Variants in SETD3 observed in about 807,000 individuals in gnomAD.
SETD3 encodes the protein SET domain containing 3, actin N3(tau)-histidine methyltransferase.
A neutral mutation model predicts 63.0 loss-of-function variants in SETD3; 19 were observed. That is an observed-to-expected ratio of 0.30 (90% CI 0.21 to 0.44). The LOEUF is 0.44. Among genes scored for constraint, SETD3 ranks in the 20% least tolerant of loss-of-function variants. SETD3 has a pLI of 1.00. For missense variants in SETD3, 587 were observed against 728.5 expected (o/e 0.81, Z 2.24); for synonymous variants, 286 against 264.1 (o/e 1.08, Z -0.80).
intron 2 of SETD3, 126 bp downstream of exon 2, chr14:99,465,577 G>A: frequency 2.9e-6 from 2 of 694,418 alleles, no homozygotes; most frequent in East Asian, 2.7e-5. Flanking sequence ...ACTCGCCCAG[G>A]CCCACAGCTA....
At chr14:99,441,478 G>A (rs1236936341) in intron 6 of SETD3, among the ~76,000 whole-genome samples, 1 of 152,216 alleles carries the variant, frequency 6.6e-6, no homozygotes, top group Non-Finnish European at 1.5e-5. Flanking sequence ...AAACTCCAGG[G>A]AAGGGGACAG....
chr14:99,474,749 G>T (rs1388373095), intron 1 of SETD3, among the ~76,000 whole-genome samples: 1 of 152,002 alleles, frequency 6.6e-6, no homozygotes, highest in Non-Finnish European at 1.5e-5. Context: ...AGAATCACTT[G>T]AATCCAGGAG....
intron 3 of SETD3, among the ~76,000 whole-genome samples, chr14:99,462,954 G>A (rs756438517): frequency 6.6e-6 from 1 of 152,172 alleles, no homozygotes; most frequent in Non-Finnish European, 1.5e-5. Context: ...AATAGGTATA[G>A]TGAATGAGCT....
intron 4 of SETD3, 105 bp downstream of exon 4, chr14:99,461,087 A>C: frequency 7.3e-7 from 1 of 1,374,976 alleles, no homozygotes; most frequent in Non-Finnish European, 1.0e-6. Context: ...CAGGCTCAGA[A>C]CTAGAACTCC....
At chr14:99,436,681 C>A (rs1216869196) in intron 6 of SETD3, among the ~76,000 whole-genome samples, 1 of 152,168 alleles carries the variant, frequency 6.6e-6, no homozygotes. Context: ...TCTCGGCAGC[C>A]TCTCCAGGAA....
intron 6 of SETD3, among the ~76,000 whole-genome samples, chr14:99,434,870 AAAAAAAC>A (rs1893389345): frequency 6.6e-6 from 1 of 150,614 alleles, no homozygotes; most frequent in African/African-American, 2.4e-5. Flanking sequence ...AAAAAAAAAA[AAAAAAAC>A]AACCTACATT....
chr14:99,477,724 G>A (rs1192099967), intron 1 of SETD3, among the ~76,000 whole-genome samples: 1 of 139,074 alleles, frequency 7.2e-6, no homozygotes, highest in Non-Finnish European at 1.5e-5. Context: ...CTCCAGCCTC[G>A]GCAACAAGAG....
chr14:99,410,928 G>T (rs1891952794), intron 8 of SETD3, among the ~76,000 whole-genome samples: 1 of 152,196 alleles, frequency 6.6e-6, no homozygotes, highest in South Asian at 2.1e-4. Context: ...ATAAGAAGAT[G>T]ATCGTCAGGA....
upstream of SETD3, among the ~76,000 whole-genome samples, chr14:99,483,864 C>T (rs1225099449): frequency 6.6e-6 from 1 of 152,132 alleles, no homozygotes; most frequent in East Asian, 1.9e-4. Flanking sequence ...TTTCTTAATA[C>T]CAACTTTAAA....
chr14:99,465,663 C>T, intron 2 of SETD3, 40 bp downstream of exon 2: 1 of 1,501,750 alleles, frequency 6.7e-7, no homozygotes. Flanking sequence ...AAAGGCACAG[C>T]CACCACATCA....
upstream of SETD3, among the ~76,000 whole-genome samples, chr14:99,485,441 T>G (rs1291308019): frequency 1.3e-5 from 2 of 152,212 alleles, no homozygotes; most frequent in Admixed American, 1.3e-4. Flanking sequence ...AAAAATATCT[T>G]TCTCAAACTT....
At position 99,398,638 on chromosome 14, in the gene SETD3, A is replaced by G; in HGVS notation, c.*41T>C. ...AGCGATGTGAACGGACTGTCCGTCA[A>G]CTCCTGCTCCACTGGATCCCCCATC... On this transcript the variant is annotated 3_prime_UTR_variant, in exon 13 of 13. Transcript: ENST00000331768. The G allele has an allele frequency of 6.4e-7, 1 of 1,569,106 alleles. No homozygotes were observed.
At chr14:99,399,221 C>A in intron 12 of SETD3, 96 bp from the exon 13 acceptor site, 1 of 1,050,646 alleles carries the variant, frequency 9.5e-7, no homozygotes, top group Middle Eastern at 2.1e-4. Context: ...CATGAGGGAA[C>A]TTTTTGGGGT....
intron 11 of SETD3, among the ~76,000 whole-genome samples, chr14:99,403,340 T>C (rs1031872988): frequency 6.6e-6 from 1 of 152,130 alleles, no homozygotes; most frequent in Non-Finnish European, 1.5e-5. Flanking sequence ...AGAACACTTG[T>C]TCGTCTGTTC....
At chr14:99,423,588 CAAAAAAAAAAAA>C (rs536996347) in intron 6 of SETD3, among the ~76,000 whole-genome samples, 6 of 36,898 alleles carry the variant, frequency 1.6e-4, no homozygotes, top group Admixed American at 5.8e-4. Context: ...CACTGTTATG[CAAAAAAAAAAAA>C]AAAAAAAAAA....
intron 4 of SETD3, among the ~76,000 whole-genome samples, chr14:99,460,692 G>A (rs1313969256): frequency 2.0e-5 from 3 of 152,164 alleles, no homozygotes; most frequent in Admixed American, 6.5e-5. Flanking sequence ...AGAACCAAGA[G>A]GGGAGAAAAA....
intron 6 of SETD3, among the ~76,000 whole-genome samples, chr14:99,452,032 C>T (rs1894491397): frequency 6.6e-6 from 1 of 152,154 alleles, no homozygotes; most frequent in Admixed American, 6.5e-5. Flanking sequence ...AAGGACTCCT[C>T]AAAACTCGTA....
At chr14:99,420,428 C>T (rs1892523114) in intron 6 of SETD3, among the ~76,000 whole-genome samples, 2 of 152,198 alleles carry the variant, frequency 1.3e-5, no homozygotes, top group African/African-American at 4.8e-5. Context: ...ACAAGATACA[C>T]TTCTACTCTT....
At chr14:99,478,196 G>A (rs1896072203) in intron 1 of SETD3, among the ~76,000 whole-genome samples, 1 of 152,124 alleles carries the variant, frequency 6.6e-6, no homozygotes, top group Non-Finnish European at 1.5e-5. Context: ...AACATCCAAA[G>A]TAACATAAGA....
Sources: allele counts gnomAD v4.1 joint callset (sites outside exome capture counted in the v4.1 genomes callset), GRCh38; gene constraint gnomAD v4.1.1; transcripts MANE v1.5; gene names NCBI Gene and HGNC (gene_info 2026-07-23, HGNC 2026-07-21).